HSPA13: variants seen among roughly 807,000 people sequenced by gnomAD.
HSPA13 encodes heat shock 70 kDa protein 13.
In HSPA13, 29 loss-of-function variants were observed where a neutral mutation model predicts 38.8. That is an observed-to-expected ratio of 0.75 (90% CI 0.56 to 1.02). HSPA13 has a LOEUF of 1.02. HSPA13 is among the 50% of genes least tolerant of loss of function. HSPA13 has a pLI of 0.00. For synonymous variants in HSPA13, 192 were observed against 205.3 expected, an observed-to-expected ratio of 0.94 and a Z score of 0.56; for missense variants, 451 against 560.9, an observed-to-expected ratio of 0.80 and a Z score of 1.98.
chr21:14,375,628 A>T, intron 4 of HSPA13, 24 bp downstream of exon 4: 1 of 1,603,388 alleles, frequency 6.2e-7, no homozygotes, highest in Non-Finnish European at 8.5e-7. Flanking sequence ...CACTGCGCCC[A>T]GCCTCTCCCT....
At position 14,373,812 on chromosome 21, in the gene HSPA13, G is replaced by A. The variant is rs150346465; in HGVS notation, c.1221C>T (p.Gly407=). 4.6e-4 allele frequency: 740 copies of A among 1,614,144 alleles called. 6 individuals carry two copies. In the Middle Eastern group the frequency reaches 8.2e-3, roughly 18 times the overall value. ...TEIDEVVLVG[G]STRIPRIRQV... ...GACGGATCCGAGGAATACGAGTGGA[G>A]CCCCCAACTAAAACCACCTCATCAA... The change falls in exon 5 of 5, where the codon GGC becomes GGT. Residue 407 remains glycine (G), a synonymous_variant. Transcript: ENST00000285667.
At chr21:14,377,267 G>GT (rs1231968960) in intron 3 of HSPA13, among the ~76,000 whole-genome samples, 2 of 152,028 alleles carry the variant, frequency 1.3e-5, no homozygotes, top group Non-Finnish European at 2.9e-5. Flanking sequence ...TCTTTTTTTA[G>GT]TAAGGCCCTC....
intron 3 of HSPA13, among the ~76,000 whole-genome samples, chr21:14,376,557 C>T (rs570591634): frequency 3.9e-5 from 6 of 152,286 alleles, no homozygotes; most frequent in Non-Finnish European, 7.4e-5. Flanking sequence ...TACTTATGAG[C>T]GGTATGCAAA....
intron 2 of HSPA13, among the ~76,000 whole-genome samples, chr21:14,380,529 C>T (rs1600806584): frequency 6.6e-6 from 1 of 151,992 alleles, no homozygotes; most frequent in South Asian, 2.1e-4. Context: ...AGCGAAGATA[C>T]AGCCACTCTA....
intron 3 of HSPA13, among the ~76,000 whole-genome samples, chr21:14,377,864 G>C (rs116430772): frequency 6.6e-6 from 1 of 152,210 alleles, no homozygotes; most frequent in East Asian, 1.9e-4. Flanking sequence ...AAGGGCTCTC[G>C]GGCCTTCGGC....
rs1982890626 is a variant in HSPA13 at position 14,373,992 on chromosome 21, A to G, written c.1041T>C (p.Arg347=). The change falls in exon 5 of 5, where the codon CGT becomes CGC. Residue 347 remains arginine (R), a synonymous_variant. Coordinates refer to ENST00000285667, the MANE Select transcript of HSPA13 (RefSeq NM_006948.5). ...CTCCACTTTTCTTATCAGAAAGGCC[A>G]CGTCCAAACCCACTGTTCACGCGAT... ...DDHRVNSGFG[R]GLSDKKSGES... is the part of the protein sequence containing the mutation. The G allele has an allele frequency of 6.2e-7, 1 of 1,614,238 alleles. No homozygotes were observed. Among genetic ancestry groups the G allele is most frequent in the Non-Finnish European group, 8.5e-7 (1 of 1,180,036 alleles).
At chr21:14,376,241 G>A (rs111472174) in intron 3 of HSPA13, among the ~76,000 whole-genome samples, 7,233 of 152,018 alleles carry the variant, frequency 0.048, 232 homozygotes, top group Middle Eastern at 0.092. Flanking sequence ...GTGAAACCCC[G>A]TCTCTACTAA....
rs531457406 is a variant in HSPA13 at position 14,379,680 on chromosome 21, C to A, written c.367-1268G>T. Among the ~76,000 whole-genome samples the A allele has an allele frequency of 2.0e-5, 3 of 151,906 alleles. No individual in the cohort carries two copies. The East Asian group carries it at 5.8e-4, about 29-fold the overall frequency. Reference sequence around the variant, plus strand: ...CAGTAAAGAATCCCAAAAAAGAAGTCAAAAAACAACAAAGTAATAAACCTA... The same window carrying A: ...CAGTAAAGAATCCCAAAAAAGAAGTAAAAAAACAACAAAGTAATAAACCTA... On this transcript the variant is annotated intron_variant, in intron 2 of 4. Coordinates refer to ENST00000285667, the MANE Select transcript of HSPA13 (RefSeq NM_006948.5).
chr21:14,380,747 A>G (rs771323081), intron 2 of HSPA13, among the ~76,000 whole-genome samples: 5 of 152,226 alleles, frequency 3.3e-5, no homozygotes, highest in African/African-American at 4.8e-5. Context: ...ACTGATAGAG[A>G]CTAGTCTAAT....
At chr21:14,378,167 G>C in intron 3 of HSPA13, 32 bp downstream of exon 3, 1 of 1,554,962 alleles carries the variant, frequency 6.4e-7, no homozygotes, top group Non-Finnish European at 8.9e-7. Flanking sequence ...ACAATTTTGA[G>C]AAAAATGCAT....
At position 14,372,077 on chromosome 21, in the gene HSPA13, A is replaced by T. The variant is rs928436743; in HGVS notation, c.*1540T>A. ...TTCATTGCTAAGAATTTTTTTTTAGATATGAAAAATATTAGTAACATTCAG... is the reference window on the plus strand; with the variant it reads ...TTCATTGCTAAGAATTTTTTTTTAGTTATGAAAAATATTAGTAACATTCAG... On this transcript the variant is annotated 3_prime_UTR_variant, in exon 5 of 5. Coordinates refer to ENST00000285667, the MANE Select transcript of HSPA13 (RefSeq NM_006948.5). 2.0e-5 allele frequency: 3 copies of T among 152,060 alleles called. No individual in the cohort carries two copies. Among genetic ancestry groups the T allele is most frequent in the Non-Finnish European group, 4.4e-5 (3 of 67,918 alleles). The allele number at this position is 152,060 out of a possible 1,614,324, so 9.4% of individuals were successfully genotyped here. A position where few individuals can be genotyped will look rare whatever the true frequency, so the allele number is the denominator to read the frequency against.
chr21:14,377,498 A>G (rs1445823205), intron 3 of HSPA13, among the ~76,000 whole-genome samples: 2 of 152,184 alleles, frequency 1.3e-5, no homozygotes, highest in African/African-American at 4.8e-5. Context: ...AAAATTATAA[A>G]CCTGTATAAA....
chr21:14,378,894 A>C (rs1600805842), intron 2 of HSPA13, among the ~76,000 whole-genome samples: 1 of 152,128 alleles, frequency 6.6e-6, no homozygotes, highest in African/African-American at 2.4e-5. Context: ...CTGGGATTAC[A>C]GGTGAAAGCC....
At position 14,373,421 on chromosome 21, in the gene HSPA13, C is replaced by T. The variant is rs992573928; in HGVS notation, c.*196G>A. 7.2e-6 allele frequency: 4 copies of T among 557,232 alleles called. No homozygotes were observed. In the African/African-American group the frequency reaches 7.5e-5, roughly 10 times the overall value. The allele number at this position is 557,232 out of a possible 1,614,324, so 34.5% of individuals were successfully genotyped here. The stretch of plus-strand genomic sequence containing the variant: ...TAGAGTATTTGTTAGAATAGGATCT[C>T]TCCAAAATCAAACAGGATCAATCTG... On this transcript the variant is annotated 3_prime_UTR_variant, in exon 5 of 5. Coordinates refer to ENST00000285667, the MANE Select transcript of HSPA13 (RefSeq NM_006948.5).
chr21:14,373,982 C>T lies in HSPA13; in HGVS notation c.1051G>A (p.Asp351Asn). 6.2e-7 allele frequency: 1 copy of T among 1,614,176 alleles called. No individual in the cohort carries two copies. The highest frequency in any genetic ancestry group is 8.5e-7 in the Non-Finnish European group (1 of 1,180,030). ...VNSGFGRGLS[D>N]KKSGESQVLF... ...ACCTGACTTTCTCCACTTTTCTTAT[C>T]AGAAAGGCCACGTCCAAACCCACTG... The change falls in exon 5 of 5, where the codon GAT (aspartate) becomes AAT (asparagine). Residue 351 changes from aspartate to asparagine, a missense_variant. Coordinates refer to ENST00000285667, the MANE Select transcript of HSPA13 (RefSeq NM_006948.5).
At position 14,375,659 on chromosome 21, in the gene HSPA13, T is replaced by C; in HGVS notation, c.741A>G (p.Ala247=). 1.2e-6 allele frequency: 2 copies of C among 1,613,314 alleles called. No individual in the cohort carries two copies. Among genetic ancestry groups the C allele is most frequent in the South Asian group, 1.1e-5 (1 of 91,074 alleles). Residue 247 remains alanine (A), a synonymous_variant, in exon 4 of 5, where the codon GCA becomes GCG. Coordinates refer to ENST00000285667, the MANE Select transcript of HSPA13 (RefSeq NM_006948.5). ...NKQGGMFLTR[A]MSGNNKLGGQ... ...TCCCTGCATTTTTCTTACCAGACAT[T>C]GCTCGGGTTAGAAACATCCCTCCTT...
intron 1 of HSPA13, among the ~76,000 whole-genome samples, chr21:14,381,853 C>A (rs541153410): frequency 2.0e-5 from 3 of 152,198 alleles, no homozygotes; most frequent in Admixed American, 6.5e-5. Context: ...CAGATGCTGA[C>A]AAGAAACAAC....
In HSPA13 at chr21:14,374,010, C is replaced by T; in HGVS notation, c.1023G>A (p.Val341=). 6.2e-7 allele frequency: 1 copy of T among 1,614,208 alleles called. No individual in the cohort carries two copies. Among genetic ancestry groups the T allele is most frequent in the Non-Finnish European group, 8.5e-7 (1 of 1,180,040 alleles). Residue 341 remains valine, a synonymous_variant, in exon 5 of 5, where the codon GTG becomes GTA. Coordinates refer to ENST00000285667, the MANE Select transcript of HSPA13 (RefSeq NM_006948.5). ...DKLSSADDHR[V]NSGFGRGLSD... is the part of the protein sequence containing the mutation. ...AAAGGCCACGTCCAAACCCACTGTT[C>T]ACGCGATGGTCATCTGCTGAGGAAA... is the stretch of plus-strand genomic sequence containing the variant.
rs777956139 is a variant in HSPA13 at position 14,374,032 on chromosome 21, GAA to G, written c.999_1000del (p.Ser334LeufsTer4). ...GTTCACGCGATGGTCATCTGCTGAG[GAA>G]AGTTTGTCTTTTGGCAGTTCAGTGT... On this transcript the variant is annotated frameshift_variant, in exon 5 of 5. Coordinates refer to ENST00000285667, the MANE Select transcript of HSPA13 (RefSeq NM_006948.5). LOFTEE classifies it high-confidence loss of function. The G allele has an allele frequency of 6.2e-7, 1 of 1,614,206 alleles. No homozygotes were observed. Among genetic ancestry groups the G allele is most frequent in the Non-Finnish European group, 8.5e-7 (1 of 1,180,030 alleles).
Sources: allele counts gnomAD v4.1 joint callset (sites outside exome capture counted in the v4.1 genomes callset), GRCh38; gene constraint gnomAD v4.1.1; transcripts MANE v1.5; gene names NCBI Gene and HGNC (gene_info 2026-07-23, HGNC 2026-07-21).